EDC4: variants seen among roughly 807,000 people sequenced by gnomAD.
EDC4 encodes the protein enhancer of mRNA-decapping protein 4.
In EDC4, 64 loss-of-function variants were observed where a neutral mutation model predicts 155.8. The ratio of observed to expected loss-of-function variants is 0.41; its 90% confidence interval spans 0.34 to 0.51. The LOEUF (loss-of-function observed/expected upper bound fraction) is 0.51, where lower values mean the gene tolerates loss of function less well. Among genes scored for constraint, EDC4 ranks in the 20% least tolerant of loss-of-function variants. The pLI is 0.19. For synonymous variants in EDC4, 684 were observed against 716.8 expected, an observed-to-expected ratio of 0.95 and a Z score of 0.73; for missense variants, 1,303 against 1,812.5, an observed-to-expected ratio of 0.72 and a Z score of 5.10.
Position 67,880,092 on chromosome 16 carries a change from A to G in EDC4, c.1973A>G (p.Lys658Arg), listed in dbSNP as rs2058059644. ...CCTGAGGAGCTGACCTTGAGCCCCA[A>G]GCTGCAGCTGGATGGCAGCCTGACA... ...RPPEELTLSP[K>R]LQLDGSLTMS... The change falls in exon 17 of 29, where the codon AAG becomes AGG. Residue 658 changes from lysine (K) to arginine (R), a missense_variant. Coordinates refer to ENST00000358933, the MANE Select transcript of EDC4 (RefSeq NM_014329.5). The surrounding 1 kb of genome is among the most constrained non-coding windows in gnomAD (Gnocchi z 5.2). 6.2e-7 allele frequency: 1 copy of G among 1,610,956 alleles called. No homozygotes were observed. Among genetic ancestry groups the G allele is most frequent in the Non-Finnish European group, 8.5e-7 (1 of 1,178,148 alleles).
In EDC4 at chr16:67,884,005, C is replaced by A. The variant is rs1323952573; in HGVS notation, c.4063C>A (p.Arg1355=). ...CCTGGACCACAGTGACCCCATCACT[C>A]GGGACCACATGGGCTCCGTTATGGC... The part of the protein sequence containing the change: ...MHLDHSDPIT[R]DHMGSVMAQV... The change falls in exon 29 of 29, where the codon CGG becomes AGG. Residue 1355 remains arginine (R), a synonymous_variant. Transcript: ENST00000358933. The surrounding 1 kb of genome is among the most constrained non-coding windows in gnomAD (Gnocchi z 4.1). The A allele has an allele frequency of 6.2e-7, 1 of 1,613,826 alleles. No individual in the cohort carries two copies. Among genetic ancestry groups the A allele is most frequent in the South Asian group, 1.1e-5 (1 of 91,034 alleles).
Position 67,882,431 on chromosome 16 carries a change from CT to C in EDC4, c.3281del (p.Leu1094Ter). On this transcript the variant is annotated frameshift_variant, in exon 25 of 29. Transcript: ENST00000358933. LOFTEE classifies it high-confidence loss of function. The surrounding 1 kb of genome is among the most constrained non-coding windows in gnomAD (Gnocchi z 7.2). ...NISKLLKSKN[L>X]TDAIARAAAD... Reference sequence around the variant, plus strand: ...TTGGCCCCTCCCTCTAACCCCAGAACTTGACTGATGCCATCGCCCGAGCAGC... The same window carrying C: ...TTGGCCCCTCCCTCTAACCCCAGAACTGACTGATGCCATCGCCCGAGCAGC... 1 of 1,613,616 alleles carries C rather than the reference CT, an allele frequency of 6.2e-7. No individual in the cohort carries two copies. The highest frequency in any genetic ancestry group is 8.5e-7 in the Non-Finnish European group (1 of 1,179,504).
Position 67,878,353 on chromosome 16 carries a change from C to G in EDC4, c.1005-7C>G. The G allele has an allele frequency of 6.2e-7, 1 of 1,614,226 alleles. No homozygotes were observed. The highest frequency in any genetic ancestry group is 8.5e-7 in the Non-Finnish European group (1 of 1,180,040). ...CTCACTCAGGCCCCTCATCTGCCTA[C>G]CTGCAGGTGTCTGCACGAGTGGAAA... is the stretch of plus-strand genomic sequence containing the variant. On this transcript the variant is annotated splice_region_variant and splice_polypyrimidine_tract_variant and intron_variant, in intron 8 of 28. Transcript: ENST00000358933. This position sits in a 1 kb window ranked among gnomAD's most constrained non-coding sequence, Gnocchi z 5.2.
In EDC4 at chr16:67,883,420, C is replaced by T; in HGVS notation, c.3850-148C>T. ...CCCATTTCCCAATCCCCTAGGGTAA[C>T]TACACAGCCCTACAGGCTCTCTCTG... On this transcript the variant is annotated intron_variant, in intron 27 of 28. Transcript: ENST00000358933. The surrounding 1 kb of genome is among the most constrained non-coding windows in gnomAD (Gnocchi z 5.3). 3.7e-6 allele frequency: 5 copies of T among 1,348,104 alleles called. No homozygotes were observed. The highest frequency in any genetic ancestry group is 5.1e-6 in the Non-Finnish European group (5 of 983,900). The allele number at this position is 1,348,104 out of a possible 1,614,324, so 83.5% of individuals were successfully genotyped here.
Position 67,883,843 on chromosome 16 carries a change from A to C in EDC4, c.4013+112A>C. 1.3e-6 allele frequency: 2 copies of C among 1,535,642 alleles called. No homozygotes were observed. The highest frequency in any genetic ancestry group is 1.2e-5 in the South Asian group (1 of 83,648). On this transcript the variant is annotated intron_variant, in intron 28 of 28. Transcript: ENST00000358933. The surrounding 1 kb of genome is among the most constrained non-coding windows in gnomAD (Gnocchi z 5.3). ...CTGAATCCTCTCCCTAATTTTCTCC[A>C]CCAGTCCTTTCTGCCTTCACCCAGA...
chr16:67,881,480 C>T lies in EDC4; in HGVS notation c.2790-17C>T, dbSNP rs754264607. 7 of 1,614,036 alleles carry T rather than the reference C, an allele frequency of 4.3e-6. No individual in the cohort carries two copies. Among genetic ancestry groups the T allele is most frequent in the Non-Finnish European group, 4.2e-6 (5 of 1,180,042 alleles). ...AGGCTGCCTCACATAGCCTGAGGTG[C>T]TTCTCGCCTATGGCAGGGATGCAGC... On this transcript the variant is annotated splice_polypyrimidine_tract_variant and intron_variant, in intron 20 of 28. Transcript: ENST00000358933. This position sits in a 1 kb window ranked among gnomAD's most constrained non-coding sequence, Gnocchi z 5.4.
chr16:67,881,327 C>G lies in EDC4; in HGVS notation c.2699C>G (p.Pro900Arg), dbSNP rs775566156. 9 of 1,614,168 alleles carry G rather than the reference C, an allele frequency of 5.6e-6. No homozygotes were observed. In the Admixed American group the frequency reaches 1.3e-4, roughly 24 times the overall value. ...SASGGFGTKV[P>R]APRLPAKDWK... ...TCAGGAGGCTTTGGCACCAAAGTTC[C>G]TGCTCCACGGCTGCCTGCCAAGGAC... is the stretch of plus-strand genomic sequence containing the variant. Residue 900 changes from proline (P) to arginine (R), a missense_variant, in exon 20 of 29, where the codon CCT (proline) becomes CGT (arginine). Transcript: ENST00000358933. The surrounding 1 kb of genome is among the most constrained non-coding windows in gnomAD (Gnocchi z 5.4).
In EDC4 at chr16:67,876,392, C is replaced by T; in HGVS notation, c.240-96C>T. On this transcript the variant is annotated intron_variant, in intron 2 of 28. Transcript: ENST00000358933. The surrounding 1 kb of genome is among the most constrained non-coding windows in gnomAD (Gnocchi z 5.8). ...GGCGAAGCTGACATTGGACTAGATA[C>T]CTTCCCCAGTCTGGCTATGTCCTCG... 1.3e-6 allele frequency: 2 copies of T among 1,518,726 alleles called. No homozygotes were observed. Among genetic ancestry groups the T allele is most frequent in the Admixed American group, 4.0e-5 (2 of 49,624 alleles). The allele number at this position is 1,518,726 out of a possible 1,614,324, so 94.1% of individuals were successfully genotyped here.
chr16:67,873,519 C>T (rs1231476146), intron 1 of EDC4, 176 bp downstream of exon 1: 3 of 484,378 alleles, frequency 6.2e-6, no homozygotes, highest in Admixed American at 4.4e-5. Context: ...GGTGTGACCC[C>T]TCCCTATCTT....
At chr16:67,873,609 G>C (rs1012241216) in intron 1 of EDC4, among the ~76,000 whole-genome samples, 1 of 152,178 alleles carries the variant, frequency 6.6e-6, no homozygotes, top group Admixed American at 6.5e-5. Context: ...GGGGCCCTCT[G>C]GTTTCCTGGC....
Position 67,879,610 on chromosome 16 carries a change from C to A in EDC4, c.1657C>A (p.Leu553Met). 1 of 1,614,154 alleles carries A rather than the reference C, an allele frequency of 6.2e-7. No homozygotes were observed. Among genetic ancestry groups the A allele is most frequent in the Non-Finnish European group, 8.5e-7 (1 of 1,180,010 alleles). The change falls in exon 15 of 29, where the codon CTG becomes ATG. Residue 553 changes from leucine to methionine, a missense_variant. By Grantham distance (15) the Leu-to-Met change is conservative. Transcript: ENST00000358933. The surrounding 1 kb of genome is among the most constrained non-coding windows in gnomAD (Gnocchi z 6.0). ...AGCATTTGGAGAGTCTCGGCCCGAACTGGGCTCTGAGGGCCTGGGGTCAGC... is the reference window on the plus strand; with the variant it reads ...AGCATTTGGAGAGTCTCGGCCCGAAATGGGCTCTGAGGGCCTGGGGTCAGC... ...DFTFGESRPE[L>M]GSEGLGSAAH...
chr16:67,876,064 A>C lies in EDC4; in HGVS notation c.202A>C (p.Thr68Pro), dbSNP rs1206984703. The C allele has an allele frequency of 6.2e-7, 1 of 1,614,172 alleles. No homozygotes were observed. The highest frequency in any genetic ancestry group is 2.2e-5 in the East Asian group (1 of 44,880). ...STSANKTGLR[T>P]MPPINLQEKQ... ...CTCAGCAAACAAGACTGGTCTTCGG[A>C]CCATGCCACCCATTAACCTGCAAGA... Residue 68 changes from threonine (T) to proline (P), a missense_variant, in exon 2 of 29, where the codon ACC (threonine) becomes CCC (proline). Physicochemically the swap from Thr to Pro is conservative, Grantham distance 38. This residue lies in a region of EDC4 where 99 missense variants were observed against 121.3 expected (regional missense o/e 0.82). Transcript: ENST00000358933. This position sits in a 1 kb window ranked among gnomAD's most constrained non-coding sequence, Gnocchi z 5.8.
At position 67,881,709 on chromosome 16, in the gene EDC4, A is replaced by G. The variant is rs190579899; in HGVS notation, c.2868A>G (p.Gln956=). Residue 956 remains glutamine (Q), a synonymous_variant, in exon 22 of 29, where the codon CAA becomes CAG. Transcript: ENST00000358933. This position sits in a 1 kb window ranked among gnomAD's most constrained non-coding sequence, Gnocchi z 5.4. ...PPEDWPALIW[Q]QQRELAELRH... ...AGGACTGGCCAGCACTAATTTGGCAACAGCAGAGAGAGCTGGCAGAGCTGC... is the reference window on the plus strand; with the variant it reads ...AGGACTGGCCAGCACTAATTTGGCAGCAGCAGAGAGAGCTGGCAGAGCTGC... The G allele has an allele frequency of 2.5e-6, 4 of 1,613,966 alleles. No individual in the cohort carries two copies. In the Admixed American group the frequency reaches 5.0e-5, roughly 20 times the overall value.
rs766619882 is a variant in EDC4 at position 67,879,614 on chromosome 16, G to C, written c.1661G>C (p.Gly554Ala). 1.9e-6 allele frequency: 3 copies of C among 1,614,172 alleles called. No homozygotes were observed. Among genetic ancestry groups the C allele is most frequent in the Admixed American group, 1.7e-5 (1 of 60,022 alleles). Residue 554 changes from glycine to alanine, a missense_variant, in exon 15 of 29, where the codon GGC becomes GCC. Physicochemically the swap from Gly to Ala is moderately conservative, Grantham distance 60 (BLOSUM62 0). Transcript: ENST00000358933. The surrounding 1 kb of genome is among the most constrained non-coding windows in gnomAD (Gnocchi z 6.0). Reference sequence around the variant, plus strand: ...TTTGGAGAGTCTCGGCCCGAACTGGGCTCTGAGGGCCTGGGGTCAGCCGCT... The same window carrying C: ...TTTGGAGAGTCTCGGCCCGAACTGGCCTCTGAGGGCCTGGGGTCAGCCGCT... ...FTFGESRPEL[G>A]SEGLGSAAHG...
At position 67,882,112 on chromosome 16, in the gene EDC4, G is replaced by A; in HGVS notation, c.3160+3G>A. 1 of 1,613,824 alleles carries A rather than the reference G, an allele frequency of 6.2e-7. No individual in the cohort carries two copies. Among genetic ancestry groups the A allele is most frequent in the Non-Finnish European group, 8.5e-7 (1 of 1,180,014 alleles). On this transcript the variant is annotated splice_donor_region_variant and intron_variant, in intron 23 of 28. Transcript: ENST00000358933. The surrounding 1 kb of genome is among the most constrained non-coding windows in gnomAD (Gnocchi z 7.2). ...GATCAAGAAGACAGTCCCTCCATGT[G>A]AGTTTTGCATGCAGACTCCCTTTGG...
Position 67,882,768 on chromosome 16 carries a change from G to T in EDC4, c.3532G>T (p.Val1178Phe). Residue 1178 changes from valine (V) to phenylalanine (F), a missense_variant, in exon 26 of 29, where the codon GTC (valine) becomes TTC (phenylalanine). Coordinates refer to ENST00000358933, the MANE Select transcript of EDC4 (RefSeq NM_014329.5). This position sits in a 1 kb window ranked among gnomAD's most constrained non-coding sequence, Gnocchi z 7.2. ...EPVLAQLRGL[V>F]STLQSATEQM... is the part of the protein sequence containing the mutation. ...TGTGCTAGCCCAGCTGCGGGGCCTG[G>T]TCAGCACACTGCAGAGTGCCACTGA... 6.2e-7 allele frequency: 1 copy of T among 1,614,234 alleles called. No individual in the cohort carries two copies.
Position 67,881,323 on chromosome 16 carries a change from G to A in EDC4, c.2695G>A (p.Val899Ile). ...TGCTTCAGGAGGCTTTGGCACCAAA[G>A]TTCCTGCTCCACGGCTGCCTGCCAA... The part of the protein sequence containing the change: ...ASASGGFGTK[V>I]PAPRLPAKDW... The change falls in exon 20 of 29, where the codon GTT becomes ATT. Residue 899 changes from valine to isoleucine, a missense_variant. This residue lies in a region of EDC4 where 527 missense variants were observed against 757.0 expected (regional missense o/e 0.70). Transcript: ENST00000358933. The surrounding 1 kb of genome is among the most constrained non-coding windows in gnomAD (Gnocchi z 5.4). The A allele has an allele frequency of 6.2e-7, 1 of 1,614,194 alleles. No homozygotes were observed. Among genetic ancestry groups the A allele is most frequent in the East Asian group, 2.2e-5 (1 of 44,884 alleles).
chr16:67,878,845 C>G lies in EDC4; in HGVS notation c.1287+6C>G, dbSNP rs776221773. The G allele has an allele frequency of 1.5e-4, 242 of 1,613,122 alleles. No individual in the cohort carries two copies. Among genetic ancestry groups the G allele is most frequent in the Non-Finnish European group, 1.9e-4 (230 of 1,180,030 alleles). ...TCAGCGATGTGCAACGGAAGGTAGG[C>G]TGCCATGGGGTACCCTGGGCAGAGT... On this transcript the variant is annotated splice_donor_region_variant and intron_variant, in intron 11 of 28. Coordinates refer to ENST00000358933, the MANE Select transcript of EDC4 (RefSeq NM_014329.5). The surrounding 1 kb of genome is among the most constrained non-coding windows in gnomAD (Gnocchi z 5.2).
rs2151306810 is a variant in EDC4, at chr16:67,884,257, G to A, written c.*109G>A. ...TTTACCTGCTCAGGCCCCCATCTCT[G>A]GGGTGTTTGGGGGTCAGGGAGCAGG... On this transcript the variant is annotated 3_prime_UTR_variant, in exon 29 of 29. Transcript: ENST00000358933. The surrounding 1 kb of genome is among the most constrained non-coding windows in gnomAD (Gnocchi z 4.1). 1 of 1,033,420 alleles carries A rather than the reference G, an allele frequency of 9.7e-7. No homozygotes were observed. Among genetic ancestry groups the A allele is most frequent in the South Asian group, 1.7e-5 (1 of 59,382 alleles). 64.0% of individuals were successfully genotyped at this position (1,033,420 alleles called of 1,614,324 possible).
Sources: allele counts gnomAD v4.1 joint callset (sites outside exome capture counted in the v4.1 genomes callset), GRCh38; gene constraint gnomAD v4.1.1; regional missense constraint gnomAD v4.1.1; non-coding constraint Gnocchi (gnomAD v3.1); transcripts MANE v1.5; gene names NCBI Gene and HGNC (gene_info 2026-07-23, HGNC 2026-07-21).